The following LRBA variants were observed in gnomAD, a reference collection of about 807,000 sequenced individuals.
The protein encoded by LRBA is LPS responsive beige-like anchor protein.
In LRBA, 176 loss-of-function variants were observed where a neutral mutation model predicts 330.0. The ratio of observed to expected loss-of-function variants is 0.53; its 90% CI spans 0.47 to 0.60. LRBA has a LOEUF of 0.60. Among genes scored for constraint, LRBA ranks in the 20% least tolerant of loss-of-function variants. The pLI is 0.00. For missense variants in LRBA, 3,259 were observed against 3,444.8 expected (o/e 0.95, Z 1.35); for synonymous variants, 1,230 against 1,193.0 (o/e 1.03, Z -0.64).
At chr4:150,790,007 G>A (rs1739673693) in intron 34 of LRBA, among the ~76,000 whole-genome samples, 1 of 152,010 alleles carries the variant, frequency 6.6e-6, no homozygotes, top group Non-Finnish European at 1.5e-5. Flanking sequence ...AAAACAGTAG[G>A]GTGCCAAATT....
chr4:150,986,336 T>C (rs1341951579), intron 2 of LRBA, among the ~76,000 whole-genome samples: 1 of 152,102 alleles, frequency 6.6e-6, no homozygotes, highest in Non-Finnish European at 1.5e-5. Flanking sequence ...TCACCTCCTG[T>C]CAGATCAGTG....
intron 40 of LRBA, among the ~76,000 whole-genome samples, chr4:150,565,631 TG>T (rs1442834831): frequency 1.3e-5 from 2 of 152,140 alleles, no homozygotes; most frequent in Non-Finnish European, 2.9e-5. Flanking sequence ...ACAACTCTCC[TG>T]GCAATTTCAG....
intron 2 of LRBA, among the ~76,000 whole-genome samples, chr4:150,996,756 C>A (rs74849737): frequency 3.3e-5 from 5 of 152,102 alleles, no homozygotes; most frequent in African/African-American, 1.2e-4. Context: ...TATTAATAAT[C>A]ACACAGTATA....
rs1387196158 is a variant in LRBA at position 150,850,707 on chromosome 4, T to TA, written c.4004+16dup. 6.5e-7 allele frequency: 1 copy of TA among 1,532,956 alleles called. No homozygotes were observed. The highest frequency in any genetic ancestry group is 1.8e-5 in the Admixed American group (1 of 55,672). The allele number at this position is 1,532,956 out of a possible 1,614,324, so 95.0% of individuals were successfully genotyped here. A position where few individuals can be genotyped will look rare whatever the true frequency, so the allele number is the denominator to read the frequency against. On this transcript the variant is annotated intron_variant, in intron 24 of 56. Coordinates refer to ENST00000651943, the MANE Select transcript of LRBA (RefSeq NM_001364905.1). ...CTAGGTTTATACACATCTTCCATAA[T>TA]AAACATATAGACAAACCTTCTCCAC...
chr4:150,935,517 A>G (rs1735002604), intron 2 of LRBA, among the ~76,000 whole-genome samples: 1 of 152,118 alleles, frequency 6.6e-6, no homozygotes, highest in Non-Finnish European at 1.5e-5. Flanking sequence ...GGGAATATTA[A>G]ATCAGTTCAA....
At chr4:150,696,962 C>A (rs994410169) in intron 36 of LRBA, among the ~76,000 whole-genome samples, 5 of 149,926 alleles carry the variant, frequency 3.3e-5, no homozygotes, top group Non-Finnish European at 7.4e-5. Context: ...TGTACTGAGC[C>A]GAGACTGCAG....
At chr4:150,468,274 C>T (rs1755676972) in intron 43 of LRBA, among the ~76,000 whole-genome samples, 1 of 151,960 alleles carries the variant, frequency 6.6e-6, no homozygotes, top group South Asian at 2.1e-4. Flanking sequence ...ATTCACCAGT[C>T]ATCTATAAAA....
At chr4:150,731,951 T>TA (rs1483386600) in intron 36 of LRBA, among the ~76,000 whole-genome samples, 1 of 152,182 alleles carries the variant, frequency 6.6e-6, no homozygotes, top group Non-Finnish European at 1.5e-5. Flanking sequence ...ATATCTCATG[T>TA]ACTACATAAA....
chr4:150,486,598 C>T (rs534770568), intron 42 of LRBA, among the ~76,000 whole-genome samples: 25 of 151,892 alleles, frequency 1.6e-4, no homozygotes, highest in African/African-American at 5.8e-4. Context: ...TTGTATACAT[C>T]ACGAAATAGC....
intron 47 of LRBA, among the ~76,000 whole-genome samples, chr4:150,402,087 G>A (rs1283145219): frequency 2.7e-5 from 4 of 147,834 alleles, no homozygotes; most frequent in African/African-American, 5.0e-5. Context: ...TCAGGAGATC[G>A]AGATCATCCT....
rs911851904 is a variant in LRBA at position 150,327,634 on chromosome 4, T to C, written c.7363-1736A>G. Among the ~76,000 whole-genome samples, 35 of 152,340 alleles carry C rather than the reference T, an allele frequency of 2.3e-4. 1 individual carries two copies. Among genetic ancestry groups the C allele is most frequent in the Middle Eastern group, 3.4e-3 (1 of 294 alleles). ...TATCTGCTGTTTGACTTTAGGCAAT[T>C]AGCTTATCTCCGTTTCCCATCTACA... On this transcript the variant is annotated intron_variant, in intron 48 of 56. Transcript: ENST00000651943.
chr4:150,438,854 T>C (rs1751469284), intron 44 of LRBA, among the ~76,000 whole-genome samples: 1 of 152,178 alleles, frequency 6.6e-6, no homozygotes, highest in African/African-American at 2.4e-5. Flanking sequence ...TAATGAATAT[T>C]ATTGTATGTT....
rs1231240212 is a variant in LRBA, at chr4:150,806,331, G to A, written c.5458C>T (p.Pro1820Ser). 5 of 1,608,860 alleles carry A rather than the reference G, an allele frequency of 3.1e-6. No homozygotes were observed. In the African/African-American group the frequency reaches 5.4e-5, roughly 17 times the overall value. Residue 1820 changes from proline (P) to serine (S), a missense_variant, in exon 33 of 57, where the codon CCT becomes TCT. Physicochemically the swap from Pro to Ser is moderately conservative, Grantham distance 74. Coordinates refer to ENST00000651943, the MANE Select transcript of LRBA (RefSeq NM_001364905.1). ...CCCAAAAGTGTCCGAGAAAGAAAAG[G>A]TGCAAAATCCACAAAAATCTCACGA... ...LLREIFVDFA[P>S]FLSRTLLGSH...
intron 30 of LRBA, among the ~76,000 whole-genome samples, chr4:150,820,221 T>A (rs1042557060): frequency 1.3e-5 from 2 of 152,004 alleles, no homozygotes; most frequent in Non-Finnish European, 2.9e-5. Context: ...ATAACCAAAG[T>A]AAATGGTAGA....
intron 53 of LRBA, among the ~76,000 whole-genome samples, chr4:150,287,274 G>A (rs1748254061): frequency 6.6e-6 from 1 of 152,228 alleles, no homozygotes; most frequent in Admixed American, 6.5e-5. Context: ...ACTTGGAAAG[G>A]CAAATGCTGC....
chr4:150,952,575 G>C (rs1385295620), intron 2 of LRBA, among the ~76,000 whole-genome samples: 2 of 152,090 alleles, frequency 1.3e-5, no homozygotes, highest in South Asian at 2.1e-4. Flanking sequence ...CTCTTTGCCT[G>C]TGTCTGTCAA....
chr4:150,865,392 T>C (rs556709204), intron 22 of LRBA, among the ~76,000 whole-genome samples: 2 of 152,304 alleles, frequency 1.3e-5, no homozygotes, highest in South Asian at 2.1e-4. Context: ...AAAGTAGCCA[T>C]ATACAATATA....
intron 40 of LRBA, among the ~76,000 whole-genome samples, chr4:150,524,185 G>T (rs1763220622): frequency 6.6e-6 from 1 of 152,062 alleles, no homozygotes; most frequent in South Asian, 2.1e-4. Context: ...CTTATACATG[G>T]TCATAAAATA....
chr4:150,443,240 A>G (rs950204508), intron 44 of LRBA, among the ~76,000 whole-genome samples: 1 of 152,148 alleles, frequency 6.6e-6, no homozygotes, highest in African/African-American at 2.4e-5. Flanking sequence ...ATACTTTTAC[A>G]CTGTTTGTGG....
Sources: allele counts gnomAD v4.1 joint callset (sites outside exome capture counted in the v4.1 genomes callset), GRCh38; gene constraint gnomAD v4.1.1; transcripts MANE v1.5; gene names NCBI Gene and HGNC (gene_info 2026-07-23, HGNC 2026-07-21).